ARID4B: variants seen among roughly 807,000 people sequenced by gnomAD.
The protein encoded by ARID4B is AT-rich interactive domain-containing protein 4B.
A neutral mutation model predicts 147.5 loss-of-function variants in ARID4B; 26 were observed. That is an observed-to-expected ratio of 0.18 (90% confidence interval 0.13 to 0.24). The LOEUF (loss-of-function observed/expected upper bound fraction) is 0.24, where lower values mean the gene tolerates loss of function less well. Among genes scored for constraint, ARID4B ranks in the 10% least tolerant of loss-of-function variants. ARID4B has a pLI of 1.00. For missense variants in ARID4B, 1,179 were observed against 1,511.5 expected, an observed-to-expected ratio of 0.78 and a Z score of 3.65; for synonymous variants, 512 against 507.9, an observed-to-expected ratio of 1.01 and a Z score of -0.11.
chr1:235,178,444 T>A (rs1392167000), intron 20 of ARID4B, among the ~76,000 whole-genome samples: 1 of 152,172 alleles, frequency 6.6e-6, no homozygotes, highest in African/African-American at 2.4e-5. Context: ...CACTGTTTGG[T>A]TAACATGCAT....
At chr1:235,234,989 C>G (rs79249842) in intron 8 of ARID4B, among the ~76,000 whole-genome samples, 76 of 152,212 alleles carry the variant, frequency 5.0e-4, no homozygotes, top group African/African-American at 1.8e-3. Context: ...AGAAAATGGA[C>G]CACGCAGAGG....
intron 2 of ARID4B, among the ~76,000 whole-genome samples, chr1:235,267,106 C>T (rs1318782014): frequency 2.0e-5 from 3 of 152,118 alleles, no homozygotes; most frequent in African/African-American, 4.8e-5. Context: ...GGTGAAACCC[C>T]GTCTCTACCA....
intron 21 of ARID4B, among the ~76,000 whole-genome samples, chr1:235,177,208 A>G (rs1439500389): frequency 1.3e-5 from 2 of 152,242 alleles, no homozygotes; most frequent in Non-Finnish European, 2.9e-5. Context: ...AATCAATTTC[A>G]CTGTAATAAA....
In ARID4B at chr1:235,231,190, C is replaced by T; in HGVS notation, c.666-1G>A. 1 of 1,520,664 alleles carries T rather than the reference C, an allele frequency of 6.6e-7. No homozygotes were observed. The highest frequency in any genetic ancestry group is 8.9e-7 in the Non-Finnish European group (1 of 1,122,540). 94.2% of individuals were successfully genotyped at this position (1,520,664 alleles called of 1,614,324 possible). ...GACATCTTTTCTTGGAACTGAAGTA[C>T]TATATATTTTTTTTAATTATAAGAG... On this transcript the variant is annotated splice_acceptor_variant, in intron 9 of 23. Transcript: ENST00000264183. LOFTEE classifies it high-confidence loss of function.
intron 7 of ARID4B, 90 bp from the exon 8 acceptor site, chr1:235,240,541 T>G: frequency 8.1e-7 from 1 of 1,234,234 alleles, no homozygotes; most frequent in Non-Finnish European, 1.2e-6. Flanking sequence ...AAACTCTTAT[T>G]ACATTTCCTA....
intron 20 of ARID4B, chr1:235,180,228 C>G (rs1297462182): frequency 1.5e-5 from 2 of 136,706 alleles, no homozygotes; most frequent in Non-Finnish European, 3.0e-5. Context: ...TGCAGCCTTT[C>G]CGGGATCAAG....
Position 235,213,877 on chromosome 1 carries a change from C to T in ARID4B, c.1733G>A (p.Arg578Gln), listed in dbSNP as rs772374509. 1.9e-6 allele frequency: 3 copies of T among 1,614,016 alleles called. No homozygotes were observed. The highest frequency in any genetic ancestry group is 1.1e-5 in the South Asian group (1 of 91,074). The change falls in exon 17 of 24, where the codon CGG becomes CAG. Residue 578 changes from arginine (R) to glutamine (Q), a missense_variant. Around this residue, in one of 10 missense-constraint regions of ARID4B, gnomAD observed 28 missense variants for 67.6 expected, o/e 0.41. Transcript: ENST00000264183. ...TTTTTGATTTTTCCCTCGTCCATAC[C>T]GCACTTGGACTTTCATGCCTGGTGG... ...CYPPGMKVQV[R>Q]YGRGKNQKMY...
intron 17 of ARID4B, among the ~76,000 whole-genome samples, chr1:235,206,366 AG>A (rs1488354290): frequency 6.6e-6 from 1 of 152,186 alleles, no homozygotes; most frequent in Non-Finnish European, 1.5e-5. Context: ...CCTAGGTGAA[AG>A]TTATATTCCA....
intron 2 of ARID4B, among the ~76,000 whole-genome samples, chr1:235,276,631 C>T (rs1347518524): frequency 6.6e-6 from 1 of 151,880 alleles, no homozygotes; most frequent in African/African-American, 2.4e-5. Flanking sequence ...CACTGCACTC[C>T]AGTCTGGGAG....
At chr1:235,254,053 A>G (rs763172886) in intron 5 of ARID4B, among the ~76,000 whole-genome samples, 10 of 152,202 alleles carry the variant, frequency 6.6e-5, no homozygotes, top group Non-Finnish European at 1.2e-4. Context: ...ATGTAACTAA[A>G]ATATACAACA....
chr1:235,312,641 AAAC>A (rs1192232969), intron 2 of ARID4B, among the ~76,000 whole-genome samples: 28 of 152,250 alleles, frequency 1.8e-4, no homozygotes, highest in South Asian at 6.2e-4. Flanking sequence ...CCTTTAAAAA[AAAC>A]AACAACACTT....
intron 2 of ARID4B, among the ~76,000 whole-genome samples, chr1:235,272,290 T>C (rs552721282): frequency 2.0e-4 from 30 of 152,308 alleles, no homozygotes; most frequent in Non-Finnish European, 4.1e-4. Flanking sequence ...TTTTATACCA[T>C]ATTTTAATGA....
At position 235,305,469 on chromosome 1, in the gene ARID4B, T is replaced by A. The variant is rs146005197; in HGVS notation, c.6+21445A>T. Among the ~76,000 whole-genome samples the A allele has an allele frequency of 3.0e-4, 46 of 152,276 alleles. 1 individual carries two copies. In the East Asian group the frequency reaches 8.1e-3, roughly 27 times the overall value. On this transcript the variant is annotated intron_variant, in intron 2 of 23. Transcript: ENST00000264183. ...AAAACTAGATATCCAAGTAAAGATA[T>A]ATATTAAAGAGGCAGAAACAGCATT...
chr1:235,301,036 T>C (rs1214526991), intron 2 of ARID4B, among the ~76,000 whole-genome samples: 1 of 140,422 alleles, frequency 7.1e-6, no homozygotes, highest in African/African-American at 2.9e-5. Flanking sequence ...TTTTTAAGTA[T>C]TCTTTTTTTT....
intron 12 of ARID4B, among the ~76,000 whole-genome samples, chr1:235,224,471 A>G (rs1667696654): frequency 6.6e-6 from 1 of 152,196 alleles, no homozygotes; most frequent in Non-Finnish European, 1.5e-5. Context: ...GGACAGGGTA[A>G]TAAGTGCATT....
At chr1:235,242,338 C>T (rs1278028342) in intron 7 of ARID4B, among the ~76,000 whole-genome samples, 4 of 151,992 alleles carry the variant, frequency 2.6e-5, no homozygotes, top group Non-Finnish European at 5.9e-5. Context: ...GAAAACTCAA[C>T]CACCTTTACA....
In ARID4B at chr1:235,255,716, C is replaced by A; in HGVS notation, c.218G>T (p.Gly73Val). 6.2e-7 allele frequency: 1 copy of A among 1,611,840 alleles called. No individual in the cohort carries two copies. The highest frequency in any genetic ancestry group is 8.5e-7 in the Non-Finnish European group (1 of 1,178,958). ...ATTGATAACAGCTTCCTGATATGCA[C>A]CATCAAGATTCTTCACTTCCACAAT... ...GAIVEVKNLD[G>V]AYQEAVINKL... The change falls in exon 5 of 24, where the codon GGT (glycine) becomes GTT (valine). Residue 73 changes from glycine to valine, a missense_variant. This residue lies in a region of ARID4B where 56 missense variants were observed against 99.2 expected (regional missense o/e 0.56). Coordinates refer to ENST00000264183, the MANE Select transcript of ARID4B (RefSeq NM_016374.6).
chr1:235,221,701 G>A (rs1412170620), intron 13 of ARID4B, 39 bp from the exon 14 acceptor site: 1 of 1,146,450 alleles, frequency 8.7e-7, no homozygotes, highest in Non-Finnish European at 1.3e-6. Context: ...CAAATTAAAA[G>A]GTGTTAATAT....
chr1:235,193,101 A>G (rs2102956182), intron 19 of ARID4B, among the ~76,000 whole-genome samples: 1 of 152,088 alleles, frequency 6.6e-6, no homozygotes, highest in East Asian at 1.9e-4. Context: ...CTCAAAAAAA[A>G]AAAAAAAGCA....
Sources: gnomAD v4.1 joint callset for allele counts (sites outside exome capture counted in the v4.1 genomes callset) on GRCh38, gnomAD v4.1.1 for gene constraint, gnomAD v4.1.1 regional missense constraint, MANE v1.5 for transcripts, NCBI Gene and HGNC (gene_info 2026-07-23, HGNC 2026-07-21) for gene names.